The following PRELID2 variants were observed in gnomAD, a reference collection of about 807,000 sequenced individuals.
The protein encoded by PRELID2 is PRELI domain-containing protein 2.
Under a neutral mutation model 28.4 loss-of-function variants are expected in PRELID2, and 25 were observed. The observed-to-expected ratio is 0.88, with a 90% confidence interval of 0.64 to 1.23. The LOEUF (loss-of-function observed/expected upper bound fraction) is 1.23, where lower values mean the gene tolerates loss of function less well. Ranked by LOEUF, PRELID2 falls within the 50% of genes most tolerant of loss-of-function variation. The pLI, the probability that PRELID2 is intolerant of heterozygous loss-of-function variation, is 0.00. For synonymous variants in PRELID2, 76 were observed against 71.6 expected (o/e 1.06, Z -0.31); for missense variants, 201 against 214.4 (o/e 0.94, Z 0.39).
intron 1 of PRELID2, among the ~76,000 whole-genome samples, chr5:145,614,485 A>G (rs983670992): frequency 1.3e-5 from 2 of 152,270 alleles, no homozygotes; most frequent in South Asian, 2.1e-4. Context: ...CGTGTTGTCT[A>G]TGATTTCTTT....
At chr5:145,475,060 A>T (rs1752087928) in intron 1 of PRELID2, among the ~76,000 whole-genome samples, 1 of 152,242 alleles carries the variant, frequency 6.6e-6, no homozygotes, top group Non-Finnish European at 1.5e-5. Flanking sequence ...CAAGACACAC[A>T]GATAAGTAGA....
At chr5:145,818,189 G>A (rs1409376786) in intron 3 of PRELID2, 135 bp from the exon 4 acceptor site, 4 of 875,556 alleles carry the variant, frequency 4.6e-6, no homozygotes, top group East Asian at 5.5e-5. Flanking sequence ...GCTCACCAGT[G>A]GCTGTACGTT....
the PRELID2 span, among the ~76,000 whole-genome samples, chr5:145,313,941 G>GT: frequency 6.6e-6 from 1 of 152,152 alleles, no homozygotes; most frequent in Non-Finnish European, 1.5e-5. Context: ...AAAGCTAACA[G>GT]TATCTAGACT....
At chr5:145,741,549 A>T (rs1358265327) in intron 1 of PRELID2, among the ~76,000 whole-genome samples, 1 of 112,222 alleles carries the variant, frequency 8.9e-6, no homozygotes, top group Non-Finnish European at 1.6e-5. Flanking sequence ...ATTTATAAAT[A>T]ATTTATTTAT....
downstream of PRELID2, among the ~76,000 whole-genome samples, chr5:145,466,964 C>T (rs1313043889): frequency 6.6e-6 from 1 of 151,974 alleles, no homozygotes; most frequent in Non-Finnish European, 1.5e-5. Flanking sequence ...TATATGTTAC[C>T]AGCACTAGAT....
At chr5:145,772,961 T>C (rs934203780) in intron 5 of PRELID2, among the ~76,000 whole-genome samples, 2 of 152,204 alleles carry the variant, frequency 1.3e-5, no homozygotes, top group African/African-American at 4.8e-5. Context: ...AATTTTCCCA[T>C]AGTAGCTAAT....
At chr5:145,367,684 G>T in the PRELID2 span, among the ~76,000 whole-genome samples, 171 of 151,916 alleles carry the variant, frequency 1.1e-3, 1 homozygote, top group Non-Finnish European at 1.7e-3. Flanking sequence ...TTTCCATAAC[G>T]TCAAGTAATT....
the PRELID2 span, among the ~76,000 whole-genome samples, chr5:145,449,213 T>C: frequency 0.23 from 34,278 of 152,084 alleles, 4,139 homozygotes; most frequent in South Asian, 0.35. Flanking sequence ...TGTTAGCACA[T>C]GTTCATTCTA....
At chr5:145,485,638 T>C (rs1379437136) in intron 1 of PRELID2, among the ~76,000 whole-genome samples, 1 of 152,170 alleles carries the variant, frequency 6.6e-6, no homozygotes, top group African/African-American at 2.4e-5. Flanking sequence ...AAAATGGCAG[T>C]CTTAACCGCT....
intron 1 of PRELID2, among the ~76,000 whole-genome samples, chr5:145,831,201 G>A (rs1215358094): frequency 6.6e-6 from 1 of 152,228 alleles, no homozygotes; most frequent in Non-Finnish European, 1.5e-5. Context: ...GGTAGGTGGG[G>A]TAGGTGGCAT....
At chr5:145,466,193 A>T in the PRELID2 span, among the ~76,000 whole-genome samples, 2 of 152,178 alleles carry the variant, frequency 1.3e-5, no homozygotes, top group African/African-American at 4.8e-5. Context: ...AGATAAGAAC[A>T]TCTAAAAAGA....
chr5:145,417,277 G>A, the PRELID2 span, among the ~76,000 whole-genome samples: 2 of 151,874 alleles, frequency 1.3e-5, no homozygotes, highest in African/African-American at 4.8e-5. Flanking sequence ...ACAAATAAAA[G>A]CCCAAGACCA....
At chr5:145,360,830 T>A in the PRELID2 span, among the ~76,000 whole-genome samples, 1 of 152,204 alleles carries the variant, frequency 6.6e-6, no homozygotes, top group African/African-American at 2.4e-5. Context: ...ATAATAATTT[T>A]GTTTCATGTA....
intron 1 of PRELID2, among the ~76,000 whole-genome samples, chr5:145,618,952 AG>A (rs143013630): frequency 0.017 from 2,568 of 152,196 alleles, 83 homozygotes; most frequent in African/African-American, 0.059. Context: ...GCAGGTTGTC[AG>A]GGTAAGTGGG....
the PRELID2 span, among the ~76,000 whole-genome samples, chr5:145,373,362 T>A: frequency 1.7e-5 from 1 of 57,824 alleles, no homozygotes; most frequent in East Asian, 1.0e-3. Context: ...ATAATATATA[T>A]GATATTATAT....
chr5:145,621,174 C>A (rs1161138817), intron 1 of PRELID2, among the ~76,000 whole-genome samples: 2 of 152,144 alleles, frequency 1.3e-5, no homozygotes, highest in African/African-American at 4.8e-5. Context: ...CTAAGAAGCA[C>A]ATGAAAAATT....
At chr5:145,410,904 C>G in the PRELID2 span, among the ~76,000 whole-genome samples, 1 of 152,072 alleles carries the variant, frequency 6.6e-6, no homozygotes. Flanking sequence ...TGAGTCAAAG[C>G]AAATCTCTTC....
In PRELID2 at chr5:145,826,256, C is replaced by T. The variant is rs150477682; in HGVS notation, c.76-3122G>A. ...GCTATAAATATAATAGTGTAAAGCC[C>T]GCAGACAAGCAGGTTCACATGGGAT... On this transcript the variant is annotated intron_variant, in intron 1 of 6. Coordinates refer to ENST00000683046, the MANE Select transcript of PRELID2 (RefSeq NM_205846.3). 779 of 836,326 alleles carry T rather than the reference C, an allele frequency of 9.3e-4. 3 individuals carry two copies. The South Asian group carries it at 0.012, about 13-fold the overall frequency. 51.8% of individuals were successfully genotyped at this position (836,326 alleles called of 1,614,324 possible).
At chr5:145,234,342 A>G in the PRELID2 span, among the ~76,000 whole-genome samples, 3 of 152,144 alleles carry the variant, frequency 2.0e-5, no homozygotes, top group Non-Finnish European at 2.9e-5. Flanking sequence ...ATTCTATTTT[A>G]CAGTTGAGAA....
Sources: gnomAD v4.1 joint callset for allele counts (sites outside exome capture counted in the v4.1 genomes callset) on GRCh38, gnomAD v4.1.1 for gene constraint, MANE v1.5 for transcripts, NCBI Gene and HGNC (gene_info 2026-07-23, HGNC 2026-07-21) for gene names.